TMEM132B: variants seen among roughly 807,000 people sequenced by gnomAD.
TMEM132B encodes the protein transmembrane protein 132B.
TMEM132B carries 18 observed loss-of-function variants against 90.8 expected under a neutral mutation model. The ratio of observed to expected loss-of-function variants is 0.20; its 90% CI spans 0.14 to 0.29. TMEM132B has a LOEUF of 0.29. Ranked by LOEUF, TMEM132B falls within the 10% of genes least tolerant of loss-of-function variation. The pLI, the probability that TMEM132B is intolerant of heterozygous loss-of-function variation, is 1.00. For synonymous variants in TMEM132B, 504 were observed against 523.3 expected, an observed-to-expected ratio of 0.96 and a Z score of 0.50; for missense variants, 1,096 against 1,326.8, an observed-to-expected ratio of 0.83 and a Z score of 2.70.
intron 3 of TMEM132B, among the ~76,000 whole-genome samples, chr12:125,463,433 C>T (rs1881489448): frequency 6.6e-6 from 1 of 152,152 alleles, no homozygotes; most frequent in Non-Finnish European, 1.5e-5. Flanking sequence ...TAGCTTTCCC[C>T]CTCTTTGTGC....
chr12:125,631,058 T>C (rs1420059869), intron 5 of TMEM132B, among the ~76,000 whole-genome samples: 2 of 152,190 alleles, frequency 1.3e-5, no homozygotes, highest in African/African-American at 4.8e-5. Context: ...GCTTTTCTAG[T>C]TCTTTAAGAT....
intron 1 of TMEM132B, among the ~76,000 whole-genome samples, chr12:125,280,086 A>G (rs1875116254): frequency 2.0e-5 from 3 of 152,158 alleles, no homozygotes; most frequent in Non-Finnish European, 4.4e-5. Flanking sequence ...TAGGTGGTGG[A>G]GCTGAGAATG....
chr12:125,594,477 C>T lies in TMEM132B; in HGVS notation c.1437+10483C>T, dbSNP rs145596429. 5.2e-3 allele frequency among the ~76,000 whole-genome samples: 792 copies of T among 152,306 alleles called. 7 individuals are homozygous for T. The highest frequency in any genetic ancestry group is 0.017 in the African/African-American group (722 of 41,580). ...GCCAAACTGTTTTCTAAAGTGGTTA[C>T]ACCATTTTACTTTCCCACTATCAGG... is the stretch of plus-strand genomic sequence containing the variant. On this transcript the variant is annotated intron_variant, in intron 5 of 8. Transcript: ENST00000682704.
At chr12:125,551,353 C>G (rs889076677) in intron 4 of TMEM132B, among the ~76,000 whole-genome samples, 1 of 152,186 alleles carries the variant, frequency 6.6e-6, no homozygotes, top group Admixed American at 6.5e-5. Flanking sequence ...ATCCTATTTC[C>G]TTTCCATTAA....
At chr12:125,612,177 T>A (rs181073045) in intron 5 of TMEM132B, among the ~76,000 whole-genome samples, 96 of 152,228 alleles carry the variant, frequency 6.3e-4, no homozygotes, top group Admixed American at 3.6e-3. Flanking sequence ...TTTAATTTTT[T>A]AAAAAATGAC....
intron 5 of TMEM132B, among the ~76,000 whole-genome samples, chr12:125,589,325 A>G (rs559439010): frequency 1.0e-3 from 153 of 152,070 alleles, no homozygotes; most frequent in African/African-American, 3.6e-3. Context: ...TACTAAAAAT[A>G]CAAAAAATTA....
intron 3 of TMEM132B, among the ~76,000 whole-genome samples, chr12:125,506,265 T>C (rs557006367): frequency 6.6e-6 from 1 of 152,340 alleles, no homozygotes; most frequent in South Asian, 2.1e-4. Flanking sequence ...AGAAGCCGGA[T>C]ACAAATTATA....
chr12:125,300,577 A>G (rs1038124862), intron 1 of TMEM132B, among the ~76,000 whole-genome samples: 2 of 152,236 alleles, frequency 1.3e-5, no homozygotes, highest in African/African-American at 4.8e-5. Context: ...CATCTTTGTC[A>G]TAATAACTAC....
intron 5 of TMEM132B, among the ~76,000 whole-genome samples, chr12:125,639,019 C>G (rs1411015991): frequency 2.0e-5 from 3 of 152,164 alleles, no homozygotes; most frequent in Non-Finnish European, 2.9e-5. Context: ...CTCAGCTCTT[C>G]TTATATTAGG....
chr12:125,597,789 G>C (rs529767491), intron 5 of TMEM132B, among the ~76,000 whole-genome samples: 34 of 152,228 alleles, frequency 2.2e-4, no homozygotes, highest in African/African-American at 7.7e-4. Context: ...TGTCACAGTG[G>C]CCTCTTCAGA....
intron 4 of TMEM132B, among the ~76,000 whole-genome samples, chr12:125,546,282 A>G (rs994017851): frequency 1.3e-5 from 2 of 151,952 alleles, no homozygotes; most frequent in Non-Finnish European, 2.9e-5. Context: ...TCCTGGGTTC[A>G]TGCCATTCTC....
At chr12:125,581,923 C>T (rs1029899000) in intron 4 of TMEM132B, among the ~76,000 whole-genome samples, 7 of 152,028 alleles carry the variant, frequency 4.6e-5, no homozygotes, top group Non-Finnish European at 1.0e-4. Context: ...ATTAAGCTCC[C>T]CGGGCAGAGG....
chr12:125,627,067 C>T (rs1886250779), intron 5 of TMEM132B, among the ~76,000 whole-genome samples: 1 of 152,176 alleles, frequency 6.6e-6, no homozygotes, highest in South Asian at 2.1e-4. Flanking sequence ...CTTGGCTCTG[C>T]CTAATCTACT....
chr12:125,206,437 C>A (rs1232034247), intron 1 of TMEM132B, among the ~76,000 whole-genome samples: 1 of 152,102 alleles, frequency 6.6e-6, no homozygotes, highest in Admixed American at 6.6e-5. Context: ...AGGGTTTCAC[C>A]ATGTTGGCCA....
chr12:125,639,022 A>G (rs1593037842), intron 5 of TMEM132B, among the ~76,000 whole-genome samples: 3 of 152,144 alleles, frequency 2.0e-5, no homozygotes, highest in Admixed American at 1.3e-4. Context: ...AGCTCTTCTT[A>G]TATTAGGATT....
intron 2 of TMEM132B, among the ~76,000 whole-genome samples, chr12:125,386,325 C>T (rs928203650): frequency 1.6e-4 from 24 of 152,152 alleles, no homozygotes; most frequent in Admixed American, 7.2e-4. Context: ...TCTAGATGGA[C>T]GCATGGTGGG....
intron 3 of TMEM132B, among the ~76,000 whole-genome samples, chr12:125,506,734 A>G (rs1329027070): frequency 6.6e-6 from 1 of 152,240 alleles, no homozygotes; most frequent in Non-Finnish European, 1.5e-5. Context: ...CATGATGAAC[A>G]TATAGCTTCA....
chr12:125,211,921 G>T (rs1873327910), intron 1 of TMEM132B, among the ~76,000 whole-genome samples: 1 of 152,184 alleles, frequency 6.6e-6, no homozygotes, highest in South Asian at 2.1e-4. Flanking sequence ...TGCACCAGCT[G>T]GGCATTCACT....
In TMEM132B at chr12:125,653,827, T is replaced by C. The variant is rs1330039359; in HGVS notation, c.2369T>C (p.Val790Ala). Residue 790 changes from valine to alanine, a missense_variant, in exon 9 of 9, where the codon GTC (valine) becomes GCC (alanine). Transcript: ENST00000682704. ...GTTCTTGCCGTGGGTAAAGGAAATG[T>C]CAAGGTCAAATTCGAACCAAGTAGT... ...KSVLAVGKGN[V>A]KVKFEPSSDE... 1 of 1,614,120 alleles carries C rather than the reference T, an allele frequency of 6.2e-7. No individual in the cohort carries two copies. Among genetic ancestry groups the C allele is most frequent in the Non-Finnish European group, 8.5e-7 (1 of 1,180,022 alleles).
Sources: gnomAD v4.1 joint callset for allele counts (sites outside exome capture counted in the v4.1 genomes callset) on GRCh38, gnomAD v4.1.1 for gene constraint, MANE v1.5 for transcripts, NCBI Gene and HGNC (gene_info 2026-07-23, HGNC 2026-07-21) for gene names.